GABRA5: variants seen among roughly 807,000 people sequenced by gnomAD.
GABRA5 encodes the protein gamma-aminobutyric acid type A receptor subunit alpha5, also known as gamma-aminobutyric acid receptor subunit alpha-5.
GABRA5 carries 18 observed loss-of-function variants against 47.3 expected under a neutral mutation model. The observed-to-expected ratio is 0.38, with a 90% CI of 0.26 to 0.56. The LOEUF is 0.56. Ranked by LOEUF, GABRA5 falls within the 20% of genes least tolerant of loss-of-function variation. The probability of loss-of-function intolerance (pLI) is 0.71; values close to 1 mark genes in which losing one functional copy is unlikely to be tolerated. For missense variants in GABRA5, 365 were observed against 599.3 expected (o/e 0.61, Z 4.08); for synonymous variants, 237 against 229.3 (o/e 1.03, Z -0.30).
At chr15:26,918,018 G>A (rs757189156) in intron 7 of GABRA5, among the ~76,000 whole-genome samples, 1 of 150,936 alleles carries the variant, frequency 6.6e-6, no homozygotes, top group Non-Finnish European at 1.5e-5. Flanking sequence ...CTCTGATTCT[G>A]TTTATTGTTT....
intron 10 of GABRA5, among the ~76,000 whole-genome samples, chr15:26,945,158 G>C (rs1007284885): frequency 1.3e-5 from 2 of 152,222 alleles, no homozygotes; most frequent in African/African-American, 4.8e-5. Context: ...CTCGTTCCTG[G>C]GAAGGCAGTG....
intron 6 of GABRA5, among the ~76,000 whole-genome samples, chr15:26,911,787 G>C (rs1893600620): frequency 6.6e-6 from 1 of 152,200 alleles, no homozygotes; most frequent in South Asian, 2.1e-4. Flanking sequence ...TCTCCAAGTT[G>C]TCAGGAATTC....
rs1449195387 is a variant in GABRA5 at position 26,883,119 on chromosome 15, G to C, written c.209-47G>C. 1.0e-5 allele frequency: 15 copies of C among 1,492,822 alleles called. No homozygotes were observed. The Middle Eastern group carries it at 5.1e-4, about 51-fold the overall frequency. The allele number at this position is 1,492,822 out of a possible 1,614,324, so 92.5% of individuals were successfully genotyped here. A position where few individuals can be genotyped will look rare whatever the true frequency, so the allele number is the denominator to read the frequency against. ...CTGAGAGCACGAGAGTGTGCCAGAC[G>C]CGCAGGGTGGGTCGGTGCAGCCCAG... is the stretch of plus-strand genomic sequence containing the variant. On this transcript the variant is annotated intron_variant, in intron 4 of 10. Transcript: ENST00000335625. This position sits in a 1 kb window ranked among gnomAD's most constrained non-coding sequence, Gnocchi z 4.8.
intron 6 of GABRA5, among the ~76,000 whole-genome samples, chr15:26,893,406 T>TA (rs1893080506): frequency 1.1e-3 from 1 of 874 alleles, no homozygotes; most frequent in African/African-American, 5.1e-3. Flanking sequence ...TATGGTGTGT[T>TA]GTGTGTGTTG....
At chr15:26,882,129 C>A (rs989647015) in intron 4 of GABRA5, among the ~76,000 whole-genome samples, 1 of 152,208 alleles carries the variant, frequency 6.6e-6, no homozygotes, top group African/African-American at 2.4e-5. Flanking sequence ...GTGTGCCCAG[C>A]AGTCCAGTCC....
Position 26,937,296 on chromosome 15 carries a change from C to T in GABRA5, c.692C>T (p.Thr231Met), listed in dbSNP as rs1328857004. 5.0e-6 allele frequency: 8 copies of T among 1,613,372 alleles called. No homozygotes were observed. In the South Asian group the frequency reaches 6.6e-5, roughly 13 times the overall value. Residue 231 changes from threonine to methionine, a missense_variant, in exon 8 of 11, where the codon ACG becomes ATG. Physicochemically the swap from Thr to Met is moderately conservative, Grantham distance 81. Transcript: ENST00000335625. ...AACCAGTACCACCTGATGGGGCAGA[C>T]GGTGGGCACTGAGAACATCAGCACC... ...RLNQYHLMGQ[T>M]VGTENISTST... is the part of the protein sequence containing the mutation.
intron 4 of GABRA5, among the ~76,000 whole-genome samples, chr15:26,882,365 C>T (rs1406087898): frequency 1.3e-5 from 2 of 152,274 alleles, no homozygotes; most frequent in African/African-American, 4.8e-5. Flanking sequence ...CACAGATGCA[C>T]GCCATGCAGA....
At chr15:26,899,695 A>C (rs1474871146) in intron 6 of GABRA5, among the ~76,000 whole-genome samples, 1 of 152,148 alleles carries the variant, frequency 6.6e-6, no homozygotes, top group Non-Finnish European at 1.5e-5. Flanking sequence ...TGTCTCTTGC[A>C]ACAAATTTTG....
At chr15:26,905,654 C>G (rs544573382) in intron 6 of GABRA5, among the ~76,000 whole-genome samples, 2 of 151,496 alleles carry the variant, frequency 1.3e-5, no homozygotes, top group African/African-American at 4.9e-5. Context: ...CTGTTAGACT[C>G]TGTTCATTTT....
At chr15:26,913,287 G>T (rs766341888) in intron 6 of GABRA5, among the ~76,000 whole-genome samples, 1 of 152,072 alleles carries the variant, frequency 6.6e-6, no homozygotes, top group African/African-American at 2.4e-5. Flanking sequence ...TCCATCTTTG[G>T]GGAAACCTTC....
At chr15:26,876,004 G>T (rs1474311047) in intron 3 of GABRA5, among the ~76,000 whole-genome samples, 1 of 152,156 alleles carries the variant, frequency 6.6e-6, no homozygotes, top group Non-Finnish European at 1.5e-5. Flanking sequence ...GCCCAGGGGA[G>T]TGGCTGTTTT....
chr15:26,889,392 G>C (rs960334982), intron 6 of GABRA5, among the ~76,000 whole-genome samples: 1 of 151,502 alleles, frequency 6.6e-6, no homozygotes, highest in Non-Finnish European at 1.5e-5. Flanking sequence ...TTTCTGGTTG[G>C]TTGGTTTTGG....
intron 6 of GABRA5, among the ~76,000 whole-genome samples, chr15:26,897,838 C>T (rs942374747): frequency 6.6e-6 from 1 of 152,074 alleles, no homozygotes; most frequent in Non-Finnish European, 1.5e-5. Flanking sequence ...CCCTGTGTCT[C>T]GGGGATGCAA....
intron 7 of GABRA5, among the ~76,000 whole-genome samples, chr15:26,934,511 G>A (rs530284109): frequency 7.9e-5 from 12 of 152,224 alleles, no homozygotes; most frequent in African/African-American, 1.4e-4. Context: ...AGACCTTTTC[G>A]GATTTGACAC....
intron 9 of GABRA5, among the ~76,000 whole-genome samples, chr15:26,941,787 G>C (rs549413293): frequency 6.6e-6 from 1 of 152,098 alleles, no homozygotes; most frequent in Non-Finnish European, 1.5e-5. Context: ...CATCACTCCC[G>C]CCCTCACACG....
chr15:26,939,186 C>T, intron 8 of GABRA5: 1 of 758,738 alleles, frequency 1.3e-6, no homozygotes, highest in Non-Finnish European at 2.4e-6. Flanking sequence ...AGAAGACTGG[C>T]CCAGCGGGCC....
chr15:26,867,656 A>G lies in GABRA5; in HGVS notation c.-140+545A>G, dbSNP rs1358754351. On this transcript the variant is annotated intron_variant, in intron 1 of 10. Transcript: ENST00000335625. The surrounding 1 kb of genome is among the most constrained non-coding windows in gnomAD (Gnocchi z 5.9). The stretch of plus-strand genomic sequence containing the variant: ...CCGGACGGGGCACCAGGGCGCGGTG[A>G]CCGGTTGGGGGTGGGGGACACCCGT... Among the ~76,000 whole-genome samples, 1 of 151,814 alleles carries G rather than the reference A, an allele frequency of 6.6e-6. No individual in the cohort carries two copies. The highest frequency in any genetic ancestry group is 2.0e-4 in the East Asian group (1 of 5,082).
chr15:26,919,891 T>G (rs1166013094), intron 7 of GABRA5, among the ~76,000 whole-genome samples: 1 of 152,154 alleles, frequency 6.6e-6, no homozygotes, highest in African/African-American at 2.4e-5. Flanking sequence ...TTCTGCCAGG[T>G]ATACTTTTTT....
At chr15:26,925,206 T>A (rs12914129) in intron 7 of GABRA5, among the ~76,000 whole-genome samples, 66,404 of 150,626 alleles carry the variant, frequency 0.44, 14,858 homozygotes, top group Middle Eastern at 0.63. Context: ...TTTCTTCTAA[T>A]TTTTTTTTTC....
Sources: gnomAD v4.1 joint callset for allele counts (sites outside exome capture counted in the v4.1 genomes callset) on GRCh38, gnomAD v4.1.1 for gene constraint, Gnocchi (gnomAD v3.1) non-coding constraint, MANE v1.5 for transcripts, NCBI Gene and HGNC (gene_info 2026-07-23, HGNC 2026-07-21) for gene names.